ATP2B3: variants seen among roughly 807,000 people sequenced by gnomAD.
ATP2B3 encodes the protein plasma membrane calcium-transporting ATPase 3.
In ATP2B3, 12 loss-of-function variants were observed where a neutral mutation model predicts 70.8. That is an observed-to-expected ratio of 0.17 (90% confidence interval 0.11 to 0.27). The LOEUF is 0.27. Among genes scored for constraint, ATP2B3 ranks in the 10% least tolerant of loss-of-function variants. The pLI is 1.00. For synonymous variants in ATP2B3, 460 were observed against 497.8 expected (o/e 0.92, Z 1.01); for missense variants, 858 against 1,118.5 (o/e 0.77, Z 3.32).
chrX:153,552,983 C>G lies in ATP2B3; in HGVS notation c.1824-52C>G. 8 of 1,080,017 alleles carry G rather than the reference C, an allele frequency of 7.4e-6. No homozygotes were observed. In the South Asian group the frequency reaches 1.6e-4, roughly 22 times the overall value. 89.0% of individuals were successfully genotyped at this position (1,080,017 alleles called of 1,213,427 possible). On this transcript the variant is annotated intron_variant, in intron 12 of 21. Coordinates refer to ENST00000263519, the MANE Select transcript of ATP2B3 (RefSeq NM_001001344.3). ...CCAATCCAGTGTGACCAGCGCTGTTCCTTGTTGTTCTCTCCCCACCTCCAC... is the reference window on the plus strand; with the variant it reads ...CCAATCCAGTGTGACCAGCGCTGTTGCTTGTTGTTCTCTCCCCACCTCCAC...
chrX:153,546,699 C>T (rs375390307), intron 8 of ATP2B3, among the ~76,000 whole-genome samples: 3 of 113,137 alleles, frequency 2.7e-5, no homozygotes, highest in South Asian at 3.6e-4. Flanking sequence ...CCGTGGCCCA[C>T]GGAGGACAGG....
intron 9 of ATP2B3, 93 bp from the exon 10 acceptor site, chrX:153,548,547 G>A (rs1346565645): frequency 1.1e-5 from 9 of 829,143 alleles, no homozygotes; most frequent in East Asian, 3.2e-5. Context: ...AAATGCCTCC[G>A]AGACCGTGTC....
At chrX:153,552,622 G>A (rs183550786) in intron 12 of ATP2B3, among the ~76,000 whole-genome samples, 1 of 112,679 alleles carries the variant, frequency 8.9e-6, no homozygotes, top group African/African-American at 3.2e-5. Context: ...GCTGCCATGA[G>A]CCACATGCTC....
At chrX:153,536,614 G>T (rs1311706627) in intron 3 of ATP2B3, among the ~76,000 whole-genome samples, 159 bp downstream of exon 3, 1 of 112,034 alleles carries the variant, frequency 8.9e-6, no homozygotes, top group Non-Finnish European at 1.9e-5. Context: ...TGGGTAACCT[G>T]ACCTGACCCC....
chrX:153,553,087 G>A lies in ATP2B3; in HGVS notation c.1876G>A (p.Asp626Asn). The A allele has an allele frequency of 8.3e-7, 1 of 1,208,858 alleles. No homozygotes were observed. The change falls in exon 13 of 22, where the codon GAC becomes AAC. Residue 626 changes from aspartate (D) to asparagine (N), a missense_variant. By Grantham distance (23) the Asp-to-Asn change is conservative (BLOSUM62 1). Around this residue, in one of 5 missense-constraint regions of ATP2B3, gnomAD observed 242 missense variants for 281.3 expected, o/e 0.86. Transcript: ENST00000263519. ...NGELRGFRPR[D>N]RDDMVRKIIE... ...CGAACTCCGGGGCTTTCGGCCTCGGGACCGGGACGACATGGTGAGGAAGAT... is the reference window on the plus strand; with the variant it reads ...CGAACTCCGGGGCTTTCGGCCTCGGAACCGGGACGACATGGTGAGGAAGAT...
At position 153,565,054 on chromosome X, in the gene ATP2B3, G is replaced by A. The variant is rs868906106; in HGVS notation, c.3293G>A (p.Arg1098His). Residue 1098 changes from arginine (R) to histidine (H), a missense_variant, in exon 21 of 22, where the codon CGC (arginine) becomes CAC (histidine). Transcript: ENST00000263519. ...EEIDHAERELRRGQILWFRGL... is the reference protein window; with the variant it reads ...EEIDHAERELHRGQILWFRGL... ...ATCGACCATGCCGAGCGGGAGCTCCGCAGGGGCCAGATCCTCTGGTTCCGG... is the reference window on the plus strand; with the variant it reads ...ATCGACCATGCCGAGCGGGAGCTCCACAGGGGCCAGATCCTCTGGTTCCGG... 9.2e-6 allele frequency: 11 copies of A among 1,199,556 alleles called. No homozygotes were observed. Among genetic ancestry groups the A allele is most frequent in the Middle Eastern group, 2.3e-4 (1 of 4,306 alleles).
Position 153,541,555 on chromosome X carries a change from A to G in ATP2B3, c.405A>G (p.Glu135=). The G allele has an allele frequency of 8.3e-7, 1 of 1,211,140 alleles. No individual in the cohort carries two copies. Among genetic ancestry groups the G allele is most frequent in the Non-Finnish European group, 1.1e-6 (1 of 895,287 alleles). Residue 135 remains glutamate (E), a splice_region_variant and synonymous_variant, in exon 4 of 22, where the codon GAA becomes GAG. Coordinates refer to ENST00000263519, the MANE Select transcript of ATP2B3 (RefSeq NM_001001344.3). The part of the protein sequence containing the change: ...SFYAPPGEES[E]ACGNVSGGAE... ...ATGCGCCGCCAGGAGAGGAGAGTGA[A>G]GGTAAGGCCCGGGGGCCTGGGCTGG...
chrX:153,566,391 G>T (rs7473750), intron 21 of ATP2B3, among the ~76,000 whole-genome samples: 2 of 112,680 alleles, frequency 1.8e-5, no homozygotes, highest in South Asian at 3.6e-4. Flanking sequence ...CGGGGCCTGA[G>T]GCCACACCCC....
intron 20 of ATP2B3, among the ~76,000 whole-genome samples, chrX:153,563,915 G>T (rs2090663396): frequency 8.9e-6 from 1 of 112,911 alleles, no homozygotes; most frequent in South Asian, 3.6e-4. Context: ...AAATACACTG[G>T]CATAGACACA....
chrX:153,573,100 A>G (rs2090812775), intron 21 of ATP2B3, among the ~76,000 whole-genome samples: 1 of 112,673 alleles, frequency 8.9e-6, no homozygotes, highest in Non-Finnish European at 1.9e-5. Flanking sequence ...GCAAAGGAGC[A>G]GGGGTTAGGC....
rs186978764 is a variant in ATP2B3, at chrX:153,567,710, G to A, written c.3342+2607G>A. 7.5e-3 allele frequency among the ~76,000 whole-genome samples: 834 copies of A among 111,713 alleles called. 10 individuals carry two copies. The highest frequency in any genetic ancestry group is 0.047 in the Admixed American group (500 of 10,598). ...GCTGTTCCAATTGTCGGTGCTCACA[G>A]AGACACGGGCAGCTGAGTCCCCTGT... On this transcript the variant is annotated intron_variant, in intron 21 of 21. Coordinates refer to ENST00000263519, the MANE Select transcript of ATP2B3 (RefSeq NM_001001344.3).
At chrX:153,537,058 G>T (rs937202872) in intron 3 of ATP2B3, among the ~76,000 whole-genome samples, 27 of 112,912 alleles carry the variant, frequency 2.4e-4, no homozygotes, top group African/African-American at 8.7e-4. Context: ...CAAGCCCAGG[G>T]TAGTGTCGGT....
Position 153,541,694 on chromosome X carries a change from A to C in ATP2B3, c.432A>C (p.Ala144=), listed in dbSNP as rs782215984. ...CCTGTGGGAATGTGTCGGGAGGCGC[A>C]GAAGATGAGGGCGAGGCCGAAGCTG... ...SEACGNVSGG[A]EDEGEAEAGW... The change falls in exon 5 of 22, where the codon GCA becomes GCC. Residue 144 remains alanine, a synonymous_variant. Coordinates refer to ENST00000263519, the MANE Select transcript of ATP2B3 (RefSeq NM_001001344.3). 3.3e-6 allele frequency: 4 copies of C among 1,209,504 alleles called. No individual in the cohort carries two copies. The highest frequency in any genetic ancestry group is 4.5e-6 in the Non-Finnish European group (4 of 895,091).
At chrX:153,533,964 G>A (rs182531498) in intron 2 of ATP2B3, among the ~76,000 whole-genome samples, 1 of 112,100 alleles carries the variant, frequency 8.9e-6, no homozygotes, top group African/African-American at 3.2e-5. Context: ...ACCGTGCCAC[G>A]AGGAACCCCT....
rs782432226 is a variant in ATP2B3 at position 153,556,355 on chromosome X, G to A, written c.2263G>A (p.Val755Met). 2 of 1,208,274 alleles carry A rather than the reference G, an allele frequency of 1.7e-6. No individual in the cohort carries two copies. Among genetic ancestry groups the A allele is most frequent in the Non-Finnish European group, 2.2e-6 (2 of 894,209 alleles). Residue 755 changes from valine (V) to methionine (M), a missense_variant, in exon 15 of 22, where the codon GTG (valine) becomes ATG (methionine). Physicochemically the swap from Val to Met is conservative, Grantham distance 21 (BLOSUM62 1). This residue lies in a region of ATP2B3 where 242 missense variants were observed against 281.3 expected (regional missense o/e 0.86). Coordinates refer to ENST00000263519, the MANE Select transcript of ATP2B3 (RefSeq NM_001001344.3). ...GEIEQERLDK[V>M]WPKLRVLARS... ...GATAGAACAGGAGCGGCTGGACAAG[G>A]TGTGGCCCAAGCTGAGGGTGCTGGC...
Position 153,559,767 on chromosome X carries a change from C to G in ATP2B3, c.2664C>G (p.Asn888Lys). The change falls in exon 18 of 22, where the codon AAC (asparagine) becomes AAG (lysine). Residue 888 changes from asparagine (N) to lysine (K), a missense_variant. Around this residue, in one of 5 missense-constraint regions of ATP2B3, gnomAD observed 50 missense variants for 106.7 expected, o/e 0.47. Transcript: ENST00000263519. ...PLKAVQMLWV[N>K]LIMDTFASLA... ...AAGCCGTGCAGATGTTGTGGGTGAA[C>G]TTGATCATGGACACATTTGCCTCTC... 8.3e-7 allele frequency: 1 copy of G among 1,211,773 alleles called. No individual in the cohort carries two copies. Among genetic ancestry groups the G allele is most frequent in the Non-Finnish European group, 1.1e-6 (1 of 895,547 alleles).
At chrX:153,577,788 T>C (rs1557021688) in intron 21 of ATP2B3, among the ~76,000 whole-genome samples, 1 of 111,348 alleles carries the variant, frequency 9.0e-6, no homozygotes, top group Non-Finnish European at 1.9e-5. Context: ...TTTTTTTTAT[T>C]ATTATTTTAA....
At chrX:153,568,118 G>A (rs1236768074) in intron 21 of ATP2B3, among the ~76,000 whole-genome samples, 1 of 112,022 alleles carries the variant, frequency 8.9e-6, no homozygotes, top group Admixed American at 9.4e-5. Context: ...TTTGTAACCT[G>A]CTCGCACCAT....
chrX:153,536,592 G>C, intron 3 of ATP2B3, 137 bp downstream of exon 3: 2 of 690,880 alleles, frequency 2.9e-6, no homozygotes, highest in Non-Finnish European at 2.2e-6. Context: ...TTCCCTTGAG[G>C]GGGAGATGCC....
Sources: gnomAD v4.1 joint callset for allele counts (sites outside exome capture counted in the v4.1 genomes callset) on GRCh38, gnomAD v4.1.1 for gene constraint, gnomAD v4.1.1 regional missense constraint, MANE v1.5 for transcripts, NCBI Gene and HGNC (gene_info 2026-07-23, HGNC 2026-07-21) for gene names.